PALD1: variants seen among roughly 807,000 people sequenced by gnomAD.
PALD1 encodes paladin.
PALD1 carries 57 observed loss-of-function variants against 96.0 expected under a neutral mutation model. The observed-to-expected ratio is 0.59, with a 90% CI of 0.48 to 0.74. PALD1 has a LOEUF of 0.74. PALD1 is among the 30% of genes least tolerant of loss of function. PALD1 has a pLI of 0.00. For missense variants in PALD1, 1,063 were observed against 1,143.7 expected (o/e 0.93, Z 1.02); for synonymous variants, 464 against 473.6 (o/e 0.98, Z 0.26).
chr10:70,524,254 G>A (rs1039565902), intron 1 of PALD1, among the ~76,000 whole-genome samples: 2 of 152,172 alleles, frequency 1.3e-5, no homozygotes, highest in African/African-American at 4.8e-5. Flanking sequence ...AGCTTGCCCC[G>A]ATCCCCAGTC....
intron 18 of PALD1, among the ~76,000 whole-genome samples, chr10:70,560,628 G>T (rs1481497164): frequency 1.3e-5 from 2 of 151,710 alleles, no homozygotes; most frequent in Admixed American, 6.6e-5. Flanking sequence ...GCCTGGGGAG[G>T]CTCCCCAGCC....
the PALD1 span, among the ~76,000 whole-genome samples, chr10:70,469,226 G>A: frequency 2.1e-3 from 318 of 152,282 alleles, 3 homozygotes; most frequent in African/African-American, 7.2e-3. Flanking sequence ...ATTCCCAAAT[G>A]TGAAACATTC....
chr10:70,467,812 G>A, the PALD1 span, among the ~76,000 whole-genome samples: 1 of 152,200 alleles, frequency 6.6e-6, no homozygotes, highest in African/African-American at 2.4e-5. Flanking sequence ...TGCATGGAGG[G>A]GATTCTTGGA....
chr10:70,460,211 C>T, the PALD1 span, among the ~76,000 whole-genome samples: 1 of 152,154 alleles, frequency 6.6e-6, no homozygotes, highest in Non-Finnish European at 1.5e-5. Context: ...CCCCTCGAAG[C>T]CCGCCCTCCA....
At chr10:70,484,153 C>A (rs1328784634) in intron 1 of PALD1, among the ~76,000 whole-genome samples, 1 of 152,094 alleles carries the variant, frequency 6.6e-6, no homozygotes, top group Non-Finnish European at 1.5e-5. Context: ...CAGGTGCCCA[C>A]CACTACGCCC....
At chr10:70,475,183 G>A (rs61858131), upstream of PALD1, among the ~76,000 whole-genome samples, 1,320 of 152,336 alleles carry the variant, frequency 8.7e-3, 10 homozygotes, top group Middle Eastern at 0.02. Context: ...TCACATGGTG[G>A]TAAAGTTGCT....
chr10:70,481,226 T>G (rs1408463955), intron 1 of PALD1, among the ~76,000 whole-genome samples: 2 of 152,194 alleles, frequency 1.3e-5, no homozygotes, highest in Non-Finnish European at 2.9e-5. Context: ...CAGACACATA[T>G]GCTTGCCAGA....
At chr10:70,494,043 C>T (rs1156638000) in intron 1 of PALD1, among the ~76,000 whole-genome samples, 1 of 152,194 alleles carries the variant, frequency 6.6e-6, no homozygotes. Flanking sequence ...TCATGCTCAC[C>T]TTGTCACAGC....
intron 1 of PALD1, among the ~76,000 whole-genome samples, chr10:70,503,312 AT>A (rs1255228250): frequency 6.6e-6 from 1 of 151,950 alleles, no homozygotes; most frequent in Admixed American, 6.6e-5. Flanking sequence ...TTGTTTTCCC[AT>A]TTGTTTGAAA....
rs112574716 is a variant in PALD1 at position 70,556,279 on chromosome 10, CCTCTCT to C, written c.2263-8062_2263-8057del. Among the ~76,000 whole-genome samples, 95 of 128,728 alleles carry C rather than the reference CCTCTCT, an allele frequency of 7.4e-4. 1 individual carries two copies. Among genetic ancestry groups the C allele is most frequent in the South Asian group, 6.1e-3 (24 of 3,962 alleles). The allele number at this position is 128,728 out of a possible 152,430, so 84.5% of individuals were successfully genotyped here. ...GGGCACATGTTCTCAGTAGCCGAGA[CCTCTCT>C]CTCTCTCTCTCTCTCTCTCTCTGTC... On this transcript the variant is annotated intron_variant, in intron 18 of 19. Transcript: ENST00000263563.
At chr10:70,513,085 C>G (rs1363749292) in intron 1 of PALD1, among the ~76,000 whole-genome samples, 1 of 152,218 alleles carries the variant, frequency 6.6e-6, no homozygotes, top group African/African-American at 2.4e-5. Flanking sequence ...AGGGCAGAAC[C>G]AGGAGGAATC....
At position 70,533,917 on chromosome 10, in the gene PALD1, C is replaced by T. The variant is rs1280914179; in HGVS notation, c.871-5C>T. 4 of 1,581,496 alleles carry T rather than the reference C, an allele frequency of 2.5e-6. No homozygotes were observed. The highest frequency in any genetic ancestry group is 1.2e-5 in the South Asian group (1 of 86,454). On this transcript the variant is annotated splice_polypyrimidine_tract_variant and splice_region_variant and intron_variant, in intron 7 of 19. Coordinates refer to ENST00000263563, the MANE Select transcript of PALD1 (RefSeq NM_014431.3). The stretch of plus-strand genomic sequence containing the variant: ...CTGGGGCCTGATCCTCATGGTCTTT[C>T]CCAGGAGACCCCCAGCCTGCTGCAG...
At chr10:70,508,634 C>G (rs1846442829) in intron 1 of PALD1, among the ~76,000 whole-genome samples, 1 of 152,218 alleles carries the variant, frequency 6.6e-6, no homozygotes, top group African/African-American at 2.4e-5. Flanking sequence ...ACCCACTGTT[C>G]TTGTGACTGT....
chr10:70,510,056 G>T (rs966559469), intron 1 of PALD1, among the ~76,000 whole-genome samples: 1 of 152,174 alleles, frequency 6.6e-6, no homozygotes, highest in Admixed American at 6.5e-5. Context: ...GGGCAGCTGG[G>T]ATCTGGATTT....
chr10:70,559,412 T>C (rs955443748), intron 18 of PALD1, among the ~76,000 whole-genome samples: 2 of 152,164 alleles, frequency 1.3e-5, no homozygotes, highest in Non-Finnish European at 2.9e-5. Context: ...GCTGGGACTT[T>C]GGCTTCTACT....
chr10:70,489,587 A>G (rs1415932988), intron 1 of PALD1, among the ~76,000 whole-genome samples: 1 of 152,108 alleles, frequency 6.6e-6, no homozygotes, highest in Non-Finnish European at 1.5e-5. Flanking sequence ...GGAGCTCTGC[A>G]TAGGTGGGTT....
chr10:70,552,314 C>T (rs1222282697), intron 18 of PALD1, among the ~76,000 whole-genome samples: 2 of 152,162 alleles, frequency 1.3e-5, no homozygotes, highest in South Asian at 2.1e-4. Context: ...GTAGCACGCG[C>T]GGCCCTTCAC....
At chr10:70,482,860 T>C (rs571600385) in intron 1 of PALD1, among the ~76,000 whole-genome samples, 34 of 152,158 alleles carry the variant, frequency 2.2e-4, no homozygotes, top group African/African-American at 7.9e-4. Flanking sequence ...GTCTGGCTCC[T>C]AGGAAGTACT....
intron 19 of PALD1, among the ~76,000 whole-genome samples, chr10:70,564,857 G>A (rs1275150891): frequency 6.6e-6 from 1 of 152,258 alleles, no homozygotes; most frequent in Non-Finnish European, 1.5e-5. Flanking sequence ...GTGCATGACA[G>A]CTCTGGGCCC....
Sources: gnomAD v4.1 joint callset for allele counts (sites outside exome capture counted in the v4.1 genomes callset) on GRCh38, gnomAD v4.1.1 for gene constraint, MANE v1.5 for transcripts, NCBI Gene and HGNC (gene_info 2026-07-23, HGNC 2026-07-21) for gene names.